The following RAPGEF4 variants were observed in gnomAD, a reference collection of about 807,000 sequenced individuals.
The protein encoded by RAPGEF4 is RAP guanine-nucleotide-exchange factor (GEF) 4.
In RAPGEF4, 66 loss-of-function variants were observed where a neutral mutation model predicts 147.9. The observed-to-expected ratio is 0.45, with a 90% confidence interval of 0.37 to 0.55. The LOEUF is 0.55. Ranked by LOEUF, RAPGEF4 falls within the 20% of genes least tolerant of loss-of-function variation. The probability of loss-of-function intolerance (pLI) is 0.00; values close to 1 mark genes in which losing one functional copy is unlikely to be tolerated. For missense variants in RAPGEF4, 1,071 were observed against 1,257.3 expected (o/e 0.85, Z 2.24); for synonymous variants, 419 against 442.7 (o/e 0.95, Z 0.67).
intron 1 of RAPGEF4, among the ~76,000 whole-genome samples, chr2:172,779,700 A>G (rs911362721): frequency 1.3e-5 from 2 of 152,200 alleles, no homozygotes; most frequent in African/African-American, 4.8e-5. Context: ...GGATCCTCCA[A>G]GGATAATAAA....
chr2:173,042,686 G>T lies in RAPGEF4; in HGVS notation c.2854-5914G>T, dbSNP rs992531451. Among the ~76,000 whole-genome samples the T allele has an allele frequency of 6.6e-5, 10 of 151,824 alleles. No individual in the cohort carries two copies. The highest frequency in any genetic ancestry group is 2.9e-5 in the Non-Finnish European group (2 of 67,958). Reference sequence around the variant, plus strand: ...GTCCCAAAGCATTTTGCATAACTGAGACATTATAAAAGATGACTTTCCCTT... The same window carrying T: ...GTCCCAAAGCATTTTGCATAACTGATACATTATAAAAGATGACTTTCCCTT... On this transcript the variant is annotated intron_variant, in intron 29 of 30. Coordinates refer to ENST00000397081, the MANE Select transcript of RAPGEF4 (RefSeq NM_007023.4). The surrounding 1 kb of genome is among the most constrained non-coding windows in gnomAD (Gnocchi z 4.2).
chr2:172,918,371 CCACACACACACACACA>C (rs377074360), intron 5 of RAPGEF4, among the ~76,000 whole-genome samples: 15 of 137,638 alleles, frequency 1.1e-4, no homozygotes, highest in Non-Finnish European at 1.7e-4. Flanking sequence ...GATGCTCTTA[CCACACACACACACACA>C]CACACACACA....
At chr2:172,876,535 A>T (rs1168339007) in intron 4 of RAPGEF4, among the ~76,000 whole-genome samples, 1 of 152,214 alleles carries the variant, frequency 6.6e-6, no homozygotes, top group Non-Finnish European at 1.5e-5. Context: ...GGTTCTGTTT[A>T]TATACTGGAT....
At chr2:173,012,821 A>G (rs1695151357) in intron 17 of RAPGEF4, among the ~76,000 whole-genome samples, 1 of 152,214 alleles carries the variant, frequency 6.6e-6, no homozygotes, top group South Asian at 2.1e-4. Flanking sequence ...CCTATTTGGT[A>G]CCTACCATGC....
intron 3 of RAPGEF4, among the ~76,000 whole-genome samples, chr2:172,812,638 C>G (rs562891105): frequency 2.0e-5 from 3 of 152,304 alleles, no homozygotes; most frequent in Middle Eastern, 3.4e-3. Flanking sequence ...TGAGAGCATC[C>G]TAGTTCTTTT....
At chr2:172,919,512 G>T (rs1684482246) in intron 5 of RAPGEF4, among the ~76,000 whole-genome samples, 2 of 151,950 alleles carry the variant, frequency 1.3e-5, no homozygotes, top group South Asian at 4.2e-4. Context: ...TCACATTTTG[G>T]TCTCTTCCAT....
At chr2:172,869,262 A>G (rs544022170) in intron 4 of RAPGEF4, among the ~76,000 whole-genome samples, 67 of 152,336 alleles carry the variant, frequency 4.4e-4, no homozygotes, top group South Asian at 3.1e-3. Context: ...TAGAAGGTTT[A>G]TCATGGAAAA....
chr2:173,025,654 G>A (rs1026510753), intron 23 of RAPGEF4, among the ~76,000 whole-genome samples: 2 of 152,220 alleles, frequency 1.3e-5, no homozygotes, highest in Non-Finnish European at 2.9e-5. Context: ...TGTTGGCCAG[G>A]CTTGTCTTGA....
chr2:172,747,578 G>C (rs1321146093), intron 1 of RAPGEF4, among the ~76,000 whole-genome samples: 1 of 152,122 alleles, frequency 6.6e-6, no homozygotes, highest in Non-Finnish European at 1.5e-5. Flanking sequence ...CGATCCCTCT[G>C]CCTTGGCTTC....
chr2:172,741,745 C>T (rs945710980), intron 1 of RAPGEF4, among the ~76,000 whole-genome samples: 1 of 152,224 alleles, frequency 6.6e-6, no homozygotes, highest in African/African-American at 2.4e-5. Context: ...GATCACAACT[C>T]ACTGCATCCT....
chr2:172,857,305 G>A (rs1348323030), intron 4 of RAPGEF4, among the ~76,000 whole-genome samples: 2 of 152,142 alleles, frequency 1.3e-5, no homozygotes, highest in Non-Finnish European at 2.9e-5. Flanking sequence ...TCCAATGGGA[G>A]CTTTTAATGG....
chr2:172,771,995 C>T (rs376166975), intron 1 of RAPGEF4, among the ~76,000 whole-genome samples: 3 of 152,130 alleles, frequency 2.0e-5, no homozygotes, highest in Non-Finnish European at 2.9e-5. Flanking sequence ...CCCAACACTT[C>T]GGGAGGCTGA....
At chr2:172,760,240 G>T (rs1696175557) in intron 1 of RAPGEF4, among the ~76,000 whole-genome samples, 1 of 152,152 alleles carries the variant, frequency 6.6e-6, no homozygotes, top group Admixed American at 6.5e-5. Flanking sequence ...TGATGAAGCA[G>T]CTCTTTACTC....
At chr2:172,804,381 C>T (rs1486358324) in intron 3 of RAPGEF4, among the ~76,000 whole-genome samples, 2 of 152,106 alleles carry the variant, frequency 1.3e-5, no homozygotes, top group South Asian at 4.1e-4. Context: ...GGTTGAGGGT[C>T]CTACTTATTT....
intron 11 of RAPGEF4, 58 bp from the exon 12 acceptor site, chr2:172,985,375 C>A: frequency 6.2e-7 from 1 of 1,613,130 alleles, no homozygotes; most frequent in Non-Finnish European, 8.5e-7. Context: ...GAGTACAACC[C>A]TTTTCCACCC....
chr2:172,887,487 C>T (rs577394871), intron 4 of RAPGEF4, among the ~76,000 whole-genome samples: 2 of 152,298 alleles, frequency 1.3e-5, no homozygotes, highest in East Asian at 3.9e-4. Context: ...GAAACTATGG[C>T]CTGTGGGCCA....
chr2:172,898,437 A>G (rs1300058608), intron 4 of RAPGEF4, among the ~76,000 whole-genome samples: 1 of 151,840 alleles, frequency 6.6e-6, no homozygotes, highest in Non-Finnish European at 1.5e-5. Flanking sequence ...GCCCCCCACC[A>G]TTTTCTCTTA....
At position 172,793,919 on chromosome 2, in the gene RAPGEF4, T is replaced by A. The variant is rs547362333; in HGVS notation, c.66-1106T>A. Among the ~76,000 whole-genome samples, 14 of 152,196 alleles carry A rather than the reference T, an allele frequency of 9.2e-5. No homozygotes were observed. In the East Asian group the frequency reaches 1.7e-3, roughly 19 times the overall value. On this transcript the variant is annotated intron_variant, in intron 1 of 30. Coordinates refer to ENST00000397081, the MANE Select transcript of RAPGEF4 (RefSeq NM_007023.4). The stretch of plus-strand genomic sequence containing the variant: ...GGGAGGCTGAGGCGGGAGGATTGCT[T>A]GAGCCCAGGAGTTTGAGACCAGCCT...
At chr2:172,925,787 GAGAGAGAGAGAAAGAAAGAA>G (rs1685248539) in intron 6 of RAPGEF4, among the ~76,000 whole-genome samples, 1 of 145,796 alleles carries the variant, frequency 6.9e-6, no homozygotes, top group African/African-American at 2.5e-5. Flanking sequence ...AAGAGAGAGA[GAGAGAGAGAGAAAGAAAGAA>G]AGAGAGAGAG....
Sources: allele counts gnomAD v4.1 joint callset (sites outside exome capture counted in the v4.1 genomes callset), GRCh38; gene constraint gnomAD v4.1.1; non-coding constraint Gnocchi (gnomAD v3.1); transcripts MANE v1.5; gene names NCBI Gene and HGNC (gene_info 2026-07-23, HGNC 2026-07-21).